The following CMIP variants were observed in gnomAD, a reference collection of about 807,000 sequenced individuals.
CMIP encodes C-Maf-inducing protein.
In CMIP, 13 loss-of-function variants were observed where a neutral mutation model predicts 97.3. That is an observed-to-expected ratio of 0.13 (90% CI 0.09 to 0.21). CMIP has a LOEUF of 0.21. Ranked by LOEUF, CMIP falls within the 10% of genes least tolerant of loss-of-function variation. The pLI is 1.00. For missense variants in CMIP, 847 were observed against 1,024.9 expected, an observed-to-expected ratio of 0.83 and a Z score of 2.37; for synonymous variants, 538 against 436.3, an observed-to-expected ratio of 1.23 and a Z score of -2.91.
At position 81,614,380 on chromosome 16, in the gene CMIP, T is replaced by C. The variant is rs1399771178; in HGVS notation, c.427-6496T>C. Among the ~76,000 whole-genome samples, 1 of 152,084 alleles carries C rather than the reference T, an allele frequency of 6.6e-6. No individual in the cohort carries two copies. The highest frequency in any genetic ancestry group is 1.9e-4 in the East Asian group (1 of 5,186). ...AGTGTGCCAAGCGGTGCACGGGTTCTCAGGGGCTCCCACGCGCGGGCCACG... is the reference window on the plus strand; with the variant it reads ...AGTGTGCCAAGCGGTGCACGGGTTCCCAGGGGCTCCCACGCGCGGGCCACG... On this transcript the variant is annotated intron_variant, in intron 2 of 20. Transcript: ENST00000537098. The surrounding 1 kb of genome is among the most constrained non-coding windows in gnomAD (Gnocchi z 5.3).
chr16:81,583,596 G>T (rs537912600), intron 1 of CMIP, among the ~76,000 whole-genome samples: 1 of 152,330 alleles, frequency 6.6e-6, no homozygotes, highest in South Asian at 2.1e-4. Context: ...TGAGTCCCAA[G>T]AGAAGACCCA....
rs1043160129 is a variant in CMIP, at chr16:81,455,532, C to T, written c.300+9991C>T. 3.9e-5 allele frequency among the ~76,000 whole-genome samples: 6 copies of T among 152,344 alleles called. No individual in the cohort carries two copies. The South Asian group carries it at 6.2e-4, about 16-fold the overall frequency. On this transcript the variant is annotated intron_variant, in intron 1 of 20. Transcript: ENST00000537098. ...AACCCCACGGGCCTCTGGCCCTCTGCGTAAGTGCGAGTTCTACCACTCCCC... is the reference window on the plus strand; with the variant it reads ...AACCCCACGGGCCTCTGGCCCTCTGTGTAAGTGCGAGTTCTACCACTCCCC...
At chr16:81,656,555 AGCCG>A (rs1254147100) in intron 4 of CMIP, among the ~76,000 whole-genome samples, 32 of 152,380 alleles carry the variant, frequency 2.1e-4, no homozygotes, top group Admixed American at 1.6e-3. Context: ...TTTATGGCAC[AGCCG>A]TCTCTTTCCT....
intron 1 of CMIP, among the ~76,000 whole-genome samples, chr16:81,470,732 A>G (rs1907472460): frequency 6.6e-6 from 1 of 152,272 alleles, no homozygotes; most frequent in Admixed American, 6.5e-5. Flanking sequence ...TGCTGGGATT[A>G]CGAGCATGAG....
intron 1 of CMIP, among the ~76,000 whole-genome samples, chr16:81,582,879 G>A (rs1039063385): frequency 7.9e-5 from 12 of 152,168 alleles, no homozygotes; most frequent in African/African-American, 2.7e-4. Flanking sequence ...AAGATAAAGA[G>A]TGCACGGCAG....
intron 1 of CMIP, among the ~76,000 whole-genome samples, chr16:81,592,835 T>A (rs75891605): frequency 6.6e-6 from 1 of 152,324 alleles, no homozygotes; most frequent in African/African-American, 2.4e-5. Context: ...GGACCTGGCA[T>A]GTGGCATGTG....
At chr16:81,683,019 C>G (rs914966458) in intron 10 of CMIP, among the ~76,000 whole-genome samples, 1 of 152,178 alleles carries the variant, frequency 6.6e-6, no homozygotes, top group East Asian at 1.9e-4. Context: ...TGCTGGGCAC[C>G]TATGTATGAT....
intron 3 of CMIP, chr16:81,645,519 T>G: frequency 6.5e-7 from 1 of 1,536,048 alleles, no homozygotes; most frequent in South Asian, 1.2e-5. Flanking sequence ...CAACAGGCTC[T>G]GCTTTCCCTG....
chr16:81,495,269 G>C, intron 1 of CMIP: 1 of 1,400,262 alleles, frequency 7.1e-7, no homozygotes, highest in Non-Finnish European at 9.3e-7. Flanking sequence ...TCTCAGCCTG[G>C]GGGAAGCAGA....
At chr16:81,555,021 A>AGG (rs1019658269) in intron 1 of CMIP, among the ~76,000 whole-genome samples, 1 of 152,072 alleles carries the variant, frequency 6.6e-6, no homozygotes, top group African/African-American at 2.4e-5. Flanking sequence ...CTACAGTGGG[A>AGG]GGGGCACCAG....
intron 3 of CMIP, chr16:81,645,314 G>T: frequency 7.8e-7 from 1 of 1,281,270 alleles, no homozygotes; most frequent in Non-Finnish European, 1.0e-6. Context: ...CCCGTGCAGC[G>T]TCCTCTCTTC....
At chr16:81,461,112 T>G (rs954798131) in intron 1 of CMIP, among the ~76,000 whole-genome samples, 1 of 152,152 alleles carries the variant, frequency 6.6e-6, no homozygotes, top group Non-Finnish European at 1.5e-5. Flanking sequence ...AACCCATTGT[T>G]CTGCAGCTTC....
chr16:81,459,103 C>T (rs866736967), intron 1 of CMIP, among the ~76,000 whole-genome samples: 39 of 152,086 alleles, frequency 2.6e-4, no homozygotes, highest in African/African-American at 7.7e-4. Flanking sequence ...CTGTGGCTAC[C>T]GCTTCTCTTG....
At chr16:81,654,671 C>T (rs541399016) in intron 4 of CMIP, among the ~76,000 whole-genome samples, 3 of 152,268 alleles carry the variant, frequency 2.0e-5, no homozygotes, top group African/African-American at 7.2e-5. Context: ...CCAGTTTCTC[C>T]CAAGGACCCT....
intron 11 of CMIP, among the ~76,000 whole-genome samples, chr16:81,692,292 C>G (rs556863040): frequency 2.0e-5 from 3 of 152,344 alleles, no homozygotes; most frequent in South Asian, 4.1e-4. Flanking sequence ...TCTAATTACG[C>G]CCGGTACAAC....
Position 81,627,891 on chromosome 16 carries a change from A to C in CMIP, c.477+6965A>C, listed in dbSNP as rs1426903039. 2.6e-5 allele frequency among the ~76,000 whole-genome samples: 4 copies of C among 152,140 alleles called. No homozygotes were observed. The highest frequency in any genetic ancestry group is 5.9e-5 in the Non-Finnish European group (4 of 68,012). ...CACAACCCTCAAAGTCCCCAGCACCAAGGCAAAGTGCCTGGGGCTCAGAGA... is the reference window on the plus strand; with the variant it reads ...CACAACCCTCAAAGTCCCCAGCACCCAGGCAAAGTGCCTGGGGCTCAGAGA... On this transcript the variant is annotated intron_variant, in intron 3 of 20. Transcript: ENST00000537098. The surrounding 1 kb of genome is among the most constrained non-coding windows in gnomAD (Gnocchi z 4.6).
At chr16:81,681,670 C>T (rs1207004272) in intron 10 of CMIP, among the ~76,000 whole-genome samples, 1 of 152,200 alleles carries the variant, frequency 6.6e-6, no homozygotes, top group Non-Finnish European at 1.5e-5. Flanking sequence ...AGTAAGAGTG[C>T]TTTGAGAGAG....
At chr16:81,475,130 T>C (rs1255554602) in intron 1 of CMIP, among the ~76,000 whole-genome samples, 1 of 152,084 alleles carries the variant, frequency 6.6e-6, no homozygotes, top group Non-Finnish European at 1.5e-5. Context: ...CTGGAGGCCT[T>C]AACCCTTTCC....
intron 1 of CMIP, among the ~76,000 whole-genome samples, chr16:81,509,746 C>G (rs900670328): frequency 1.3e-5 from 2 of 152,186 alleles, no homozygotes; most frequent in African/African-American, 4.8e-5. Flanking sequence ...TCTCTTGAGG[C>G]CTACCTGCCC....
Sources: allele counts gnomAD v4.1 joint callset (sites outside exome capture counted in the v4.1 genomes callset), GRCh38; gene constraint gnomAD v4.1.1; non-coding constraint Gnocchi (gnomAD v3.1); transcripts MANE v1.5; gene names NCBI Gene and HGNC (gene_info 2026-07-23, HGNC 2026-07-21).